The following LINGO2 variants were observed in gnomAD, a reference collection of about 807,000 sequenced individuals.
LINGO2 encodes leucine-rich repeat and immunoglobulin-like domain-containing nogo receptor-interacting protein 2.
In LINGO2, 14 loss-of-function variants were observed where a neutral mutation model predicts 30.6. The observed-to-expected ratio is 0.46, with a 90% CI of 0.30 to 0.72. The LOEUF is 0.72. Among genes scored for constraint, LINGO2 ranks in the 30% least tolerant of loss-of-function variants. The pLI is 0.07. For missense variants in LINGO2, 729 were observed against 751.7 expected (o/e 0.97, Z 0.35); for synonymous variants, 317 against 288.5 (o/e 1.10, Z -1.00).
chr9:28,629,212 C>T (rs12338472), intron 1 of LINGO2, among the ~76,000 whole-genome samples: 1 of 151,642 alleles, frequency 6.6e-6, no homozygotes, highest in Non-Finnish European at 1.5e-5. Context: ...GGTGATGTGC[C>T]GCTCCTGCTC....
intron 4 of LINGO2, among the ~76,000 whole-genome samples, chr9:28,138,490 G>T: frequency 6.6e-6 from 1 of 152,022 alleles, no homozygotes; most frequent in East Asian, 1.9e-4. Flanking sequence ...TTTTTGTGAG[G>T]CCACTTTTCA....
the LINGO2 span, among the ~76,000 whole-genome samples, chr9:29,185,024 C>G: frequency 1.6e-4 from 24 of 152,122 alleles, no homozygotes; most frequent in Admixed American, 1.6e-3. Flanking sequence ...TCTAAATAGA[C>G]TCTCCAGGTT....
intron 3 of LINGO2, among the ~76,000 whole-genome samples, chr9:28,365,457 T>C (rs191099692): frequency 6.6e-6 from 1 of 151,976 alleles, no homozygotes; most frequent in Non-Finnish European, 1.5e-5. Flanking sequence ...GGCTGTATAG[T>C]GAAATACCAG....
chr9:28,457,865 A>G (rs542624657), intron 2 of LINGO2, among the ~76,000 whole-genome samples: 1 of 152,118 alleles, frequency 6.6e-6, no homozygotes, highest in Non-Finnish European at 1.5e-5. Context: ...TTTTCCCCTC[A>G]TATAAAAAGT....
chr9:28,988,622 C>T, the LINGO2 span, among the ~76,000 whole-genome samples: 1 of 152,124 alleles, frequency 6.6e-6, no homozygotes, highest in Non-Finnish European at 1.5e-5. Flanking sequence ...GTGATCTAGC[C>T]ATACAGTTAC....
chr9:28,632,856 TTATATA>T (rs543651831), intron 1 of LINGO2, among the ~76,000 whole-genome samples: 9 of 93,678 alleles, frequency 9.6e-5, no homozygotes, highest in East Asian at 3.0e-4. Context: ...TATATATTTT[TTATATA>T]TATATATATA....
chr9:28,411,933 T>A (rs1822779911), intron 2 of LINGO2, among the ~76,000 whole-genome samples: 1 of 152,082 alleles, frequency 6.6e-6, no homozygotes, highest in South Asian at 2.1e-4. Flanking sequence ...AACTTGTTAT[T>A]TTTTTATTAA....
the LINGO2 span, among the ~76,000 whole-genome samples, chr9:28,877,098 G>A: frequency 1.4e-5 from 2 of 139,126 alleles, no homozygotes; most frequent in Admixed American, 6.8e-5. Flanking sequence ...TGATGGGGTT[G>A]TGTTTTTTTT....
the LINGO2 span, among the ~76,000 whole-genome samples, chr9:28,764,954 C>T: frequency 1.1e-4 from 16 of 151,706 alleles, no homozygotes; most frequent in Non-Finnish European, 1.8e-4. Context: ...ATGTGAAACA[C>T]CTAAACACTG....
chr9:28,574,754 T>G (rs1468043524), intron 1 of LINGO2, among the ~76,000 whole-genome samples: 1 of 152,206 alleles, frequency 6.6e-6, no homozygotes, highest in East Asian at 1.9e-4. Flanking sequence ...GAAATCAATC[T>G]GCACAAGGAA....
At chr9:28,606,084 T>C (rs1277994859) in intron 1 of LINGO2, among the ~76,000 whole-genome samples, 2 of 151,994 alleles carry the variant, frequency 1.3e-5, no homozygotes, top group East Asian at 3.9e-4. Flanking sequence ...TAATAACCAC[T>C]TGTAGAATAA....
At chr9:28,237,325 C>A (rs1176537549) in intron 4 of LINGO2, among the ~76,000 whole-genome samples, 1 of 151,188 alleles carries the variant, frequency 6.6e-6, no homozygotes, top group African/African-American at 2.4e-5. Context: ...TTAAAGCATA[C>A]CACCAGAGAA....
At chr9:28,895,880 C>A in the LINGO2 span, among the ~76,000 whole-genome samples, 129,504 of 152,080 alleles carry the variant, frequency 0.85, 55,317 homozygotes, top group Non-Finnish European at 0.89. Context: ...AGATGATTGT[C>A]GGTCATCTAC....
the LINGO2 span, among the ~76,000 whole-genome samples, chr9:28,757,926 C>A: frequency 6.6e-6 from 1 of 152,036 alleles, no homozygotes; most frequent in South Asian, 2.1e-4. Context: ...TGGGCTATAA[C>A]CATCAATGCT....
At chr9:28,433,532 A>G (rs1008302021) in intron 2 of LINGO2, among the ~76,000 whole-genome samples, 5 of 152,138 alleles carry the variant, frequency 3.3e-5, no homozygotes. Flanking sequence ...ATATTTCTGA[A>G]AGCAAATAAA....
At chr9:28,820,805 A>G in the LINGO2 span, among the ~76,000 whole-genome samples, 3 of 152,202 alleles carry the variant, frequency 2.0e-5, no homozygotes, top group Admixed American at 6.5e-5. Flanking sequence ...AGCTGTGAAT[A>G]TTCAGTGAAG....
chr9:28,545,779 C>A (rs568198000), intron 1 of LINGO2, among the ~76,000 whole-genome samples: 2 of 152,084 alleles, frequency 1.3e-5, no homozygotes, highest in African/African-American at 4.8e-5. Context: ...GGTATACTTA[C>A]TGTATATTGT....
At chr9:28,990,135 T>C in the LINGO2 span, among the ~76,000 whole-genome samples, 1,431 of 152,150 alleles carry the variant, frequency 9.4e-3, 30 homozygotes, top group African/African-American at 0.033. Context: ...TTCCCTTTCC[T>C]AGTCAAAGAA....
intron 4 of LINGO2, among the ~76,000 whole-genome samples, chr9:28,057,792 A>G (rs182176917): frequency 2.0e-5 from 3 of 151,948 alleles, no homozygotes; most frequent in Admixed American, 6.6e-5. Context: ...GTGACAATCA[A>G]AAAGTATCTA....
Sources: gnomAD v4.1 joint callset for allele counts (sites outside exome capture counted in the v4.1 genomes callset) on GRCh38, gnomAD v4.1.1 for gene constraint, MANE v1.5 for transcripts, NCBI Gene and HGNC (gene_info 2026-07-23, HGNC 2026-07-21) for gene names.